Variants in ARHGEF4 observed in about 807,000 individuals in gnomAD.
The protein encoded by ARHGEF4 is APC-stimulated guanine nucleotide exchange factor 1.
A neutral mutation model predicts 162.0 loss-of-function variants in ARHGEF4; 119 were observed. The ratio of observed to expected loss-of-function variants is 0.73; its 90% CI spans 0.63 to 0.86. The LOEUF (loss-of-function observed/expected upper bound fraction) is 0.86. Ranked by LOEUF, ARHGEF4 falls within the 40% of genes least tolerant of loss-of-function variation. The pLI is 0.00. For synonymous variants in ARHGEF4, 1,014 were observed against 979.9 expected (o/e 1.03, Z -0.65); for missense variants, 2,488 against 2,456.0 (o/e 1.01, Z -0.28).
At chr2:130,837,836 A>C in intron 1 of ARHGEF4, 1 of 95,944 alleles carries the variant, frequency 1.0e-5, no homozygotes, top group Non-Finnish European at 1.9e-5. Context: ...GGGGAGGCAG[A>C]CCTGTGTGGG....
At chr2:131,028,158 G>A (rs1689603485) in intron 5 of ARHGEF4, 74 bp downstream of exon 5, 2 of 1,566,144 alleles carry the variant, frequency 1.3e-6, no homozygotes, top group Non-Finnish European at 1.7e-6. Flanking sequence ...CGCTAATGCA[G>A]GCCAGATGCC....
intron 5 of ARHGEF4, among the ~76,000 whole-genome samples, chr2:131,038,181 A>G (rs1690445945): frequency 6.6e-6 from 1 of 152,130 alleles, no homozygotes; most frequent in Admixed American, 6.5e-5. Context: ...CCTTACAGGC[A>G]ATGCTCATCC....
chr2:130,973,083 C>T (rs1477494673), intron 4 of ARHGEF4, among the ~76,000 whole-genome samples: 2 of 152,244 alleles, frequency 1.3e-5, no homozygotes, highest in Non-Finnish European at 2.9e-5. Context: ...CTCTAAACAT[C>T]TGTATATTAA....
At chr2:130,963,212 C>T (rs907965972) in intron 4 of ARHGEF4, among the ~76,000 whole-genome samples, 9 of 152,326 alleles carry the variant, frequency 5.9e-5, no homozygotes, top group African/African-American at 1.9e-4. Flanking sequence ...ATGGACTTTC[C>T]TCGGCCCCTT....
intron 3 of ARHGEF4, among the ~76,000 whole-genome samples, chr2:130,939,473 C>T (rs1315439335): frequency 6.6e-6 from 1 of 152,200 alleles, no homozygotes; most frequent in East Asian, 1.9e-4. Context: ...CAGTGCCACA[C>T]TGTCTTGATC....
chr2:130,908,789 T>A (rs952062822), intron 1 of ARHGEF4, among the ~76,000 whole-genome samples: 6 of 152,122 alleles, frequency 3.9e-5, no homozygotes, highest in Non-Finnish European at 8.8e-5. Context: ...AACATATATC[T>A]GACAAAAGAC....
intron 4 of ARHGEF4, among the ~76,000 whole-genome samples, chr2:130,995,014 A>T (rs1266916440): frequency 6.6e-6 from 1 of 152,174 alleles, no homozygotes; most frequent in East Asian, 1.9e-4. Context: ...AGATGTGGTT[A>T]TTTGAAATTT....
intron 1 of ARHGEF4, among the ~76,000 whole-genome samples, chr2:130,911,191 C>T (rs1681162031): frequency 6.6e-6 from 1 of 152,152 alleles, no homozygotes; most frequent in Non-Finnish European, 1.5e-5. Flanking sequence ...TCCTGATGGG[C>T]TGGTAGTCAG....
intron 1 of ARHGEF4, among the ~76,000 whole-genome samples, chr2:130,841,065 G>A (rs528315182): frequency 7.9e-5 from 12 of 152,194 alleles, no homozygotes; most frequent in African/African-American, 2.6e-4. Flanking sequence ...GTTTTAAAAA[G>A]TGGTTGTTTG....
rs1681555231 is a variant in ARHGEF4, at chr2:130,917,219, C to A, written c.3273C>A (p.Ser1091Arg). 6.4e-7 allele frequency: 1 copy of A among 1,550,538 alleles called. No individual in the cohort carries two copies. Among genetic ancestry groups the A allele is most frequent in the Non-Finnish European group, 8.7e-7 (1 of 1,146,994 alleles). The change falls in exon 2 of 14, where the codon AGC becomes AGA. Residue 1091 changes from serine (S) to arginine (R), a missense_variant. Around this residue, in one of 6 missense-constraint regions of ARHGEF4, gnomAD observed 1,642 missense variants for 1,481.5 expected, o/e 1.11. Transcript: ENST00000409359. ...CCGGGACGCCCTGCAGACCCACGAG[C>A]CCCAAGCCCCTGAGTCCCAGGCCTA... ...ENPGTPCRPT[S>R]PKPLSPRPSA...
At position 130,916,145 on chromosome 2, in the gene ARHGEF4, G is replaced by A; in HGVS notation, c.2199G>A (p.Pro733=). The A allele has an allele frequency of 1.9e-6, 3 of 1,549,240 alleles. No homozygotes were observed. Among genetic ancestry groups the A allele is most frequent in the Non-Finnish European group, 2.6e-6 (3 of 1,146,876 alleles). ...AGACGCCGAGCACAGAGGAGCCCCC[G>A]GGAGAGAGACTGCGTGGGGAGAGCC... ...SEETPSTEEP[P]GERLRGESRS... is the part of the protein sequence containing the mutation. The change falls in exon 2 of 14, where the codon CCG becomes CCA. Residue 733 remains proline, a synonymous_variant. Transcript: ENST00000409359.
intron 4 of ARHGEF4, among the ~76,000 whole-genome samples, chr2:131,004,290 C>G (rs752543871): frequency 1.3e-5 from 2 of 152,112 alleles, no homozygotes; most frequent in African/African-American, 4.8e-5. Context: ...CTCAGCTTCC[C>G]GAGTAGCTGG....
chr2:130,941,358 C>T (rs1683287419), intron 3 of ARHGEF4, among the ~76,000 whole-genome samples: 1 of 151,950 alleles, frequency 6.6e-6, no homozygotes, highest in Non-Finnish European at 1.5e-5. Flanking sequence ...TGCATGCCAC[C>T]ACGCCTGGCT....
chr2:130,856,742 A>G (rs1420063992), intron 1 of ARHGEF4, among the ~76,000 whole-genome samples: 2 of 152,216 alleles, frequency 1.3e-5, no homozygotes, highest in African/African-American at 4.8e-5. Context: ...AACATGGCGC[A>G]TGTATACATA....
chr2:131,013,926 G>T (rs914774399), intron 4 of ARHGEF4, among the ~76,000 whole-genome samples: 5 of 152,132 alleles, frequency 3.3e-5, no homozygotes, highest in Non-Finnish European at 5.9e-5. Context: ...AACTAGCTCA[G>T]CTATAATCTA....
intron 2 of ARHGEF4, among the ~76,000 whole-genome samples, chr2:130,925,035 AGT>A (rs55986926): frequency 0.033 from 4,543 of 137,830 alleles, 99 homozygotes; most frequent in African/African-American, 0.071. Flanking sequence ...AGGAGTTCTA[AGT>A]GTGTGTGTGT....
At chr2:130,974,192 AC>A (rs1685544666) in intron 4 of ARHGEF4, among the ~76,000 whole-genome samples, 1 of 150,588 alleles carries the variant, frequency 6.6e-6, no homozygotes, top group Non-Finnish European at 1.5e-5. Context: ...GGATTGCTTG[AC>A]CCTGGGAGAT....
At chr2:130,971,161 T>G (rs866203261) in intron 4 of ARHGEF4, among the ~76,000 whole-genome samples, 8 of 152,356 alleles carry the variant, frequency 5.3e-5, no homozygotes, top group Middle Eastern at 3.4e-3. Flanking sequence ...CACCATTTGT[T>G]AAAAAGACTT....
At chr2:130,841,119 C>T (rs1356187875) in intron 1 of ARHGEF4, among the ~76,000 whole-genome samples, 1 of 152,156 alleles carries the variant, frequency 6.6e-6, no homozygotes, top group Admixed American at 6.5e-5. Flanking sequence ...GGCTGGAATG[C>T]AGTGGCGCGA....
Sources: gnomAD v4.1 joint callset for allele counts (sites outside exome capture counted in the v4.1 genomes callset) on GRCh38, gnomAD v4.1.1 for gene constraint, gnomAD v4.1.1 regional missense constraint, MANE v1.5 for transcripts, NCBI Gene and HGNC (gene_info 2026-07-23, HGNC 2026-07-21) for gene names.